CDH18: variants seen among roughly 807,000 people sequenced by gnomAD.
The protein encoded by CDH18 is cadherin-18.
Under a neutral mutation model 67.9 loss-of-function variants are expected in CDH18, and 31 were observed. The ratio of observed to expected loss-of-function variants is 0.46; its 90% CI spans 0.34 to 0.62. CDH18 has a LOEUF of 0.62. CDH18 is among the 20% of genes least tolerant of loss of function. The pLI, the probability that CDH18 is intolerant of heterozygous loss-of-function variation, is 0.01. For synonymous variants in CDH18, 362 were observed against 347.2 expected (o/e 1.04, Z -0.48); for missense variants, 890 against 975.5 (o/e 0.91, Z 1.17).
At chr5:20,391,131 T>A (rs534565460) in intron 1 of CDH18, among the ~76,000 whole-genome samples, 3 of 151,794 alleles carry the variant, frequency 2.0e-5, no homozygotes, top group African/African-American at 4.8e-5. Context: ...ACTTAAAGTA[T>A]AATAAAAAAA....
chr5:19,691,767 G>GA lies in CDH18; in HGVS notation c.643+29579dup, dbSNP rs1266146529. On this transcript the variant is annotated intron_variant, in intron 5 of 12. Coordinates refer to ENST00000382275, the MANE Select transcript of CDH18 (RefSeq NM_004934.5). ...AAATGACATCCCACGCTCTTGGAAA[G>GA]AAAAAAATCCATATTGTTGAAATGA... 2.0e-5 allele frequency among the ~76,000 whole-genome samples: 3 copies of GA among 151,648 alleles called. 1 individual carries two copies. In the East Asian group the frequency reaches 5.8e-4, roughly 29 times the overall value.
At chr5:20,519,898 G>C (rs1297241074) in intron 1 of CDH18, among the ~76,000 whole-genome samples, 1 of 139,014 alleles carries the variant, frequency 7.2e-6, no homozygotes, top group Non-Finnish European at 1.5e-5. Context: ...TATTTGGACA[G>C]GGTTTTCCTC....
chr5:19,638,986 T>TTTTGTTTTTG (rs1561521090), intron 5 of CDH18, among the ~76,000 whole-genome samples: 6 of 82,166 alleles, frequency 7.3e-5, no homozygotes, highest in African/African-American at 3.2e-4. Context: ...TGTTTTTTTT[T>TTTTGTTTTTG]TTTTTTTTTT....
chr5:19,724,462 G>T (rs1766536503), intron 4 of CDH18, among the ~76,000 whole-genome samples: 1 of 151,552 alleles, frequency 6.6e-6, no homozygotes, highest in Non-Finnish European at 1.5e-5. Context: ...GCATAAATAG[G>T]CACAGCTGAT....
rs777622839 is a variant in CDH18 at position 19,897,063 on chromosome 5, A to T, written c.-256-57821T>A. 4.9e-4 allele frequency among the ~76,000 whole-genome samples: 75 copies of T among 152,184 alleles called. 1 individual carries two copies. The highest frequency in any genetic ancestry group is 2.6e-3 in the Admixed American group (40 of 15,278). ...AAAAACAATGCAGAAAAGCATATTA[A>T]TCATAAGGAAATATGTTAAGGTAAA... is the stretch of plus-strand genomic sequence containing the variant. On this transcript the variant is annotated intron_variant, in intron 2 of 12. Coordinates refer to ENST00000382275, the MANE Select transcript of CDH18 (RefSeq NM_004934.5).
At chr5:19,755,673 C>A (rs568174634) in intron 3 of CDH18, among the ~76,000 whole-genome samples, 81 of 150,600 alleles carry the variant, frequency 5.4e-4, no homozygotes, top group African/African-American at 1.9e-3. Context: ...CACATGATCA[C>A]AACATCACAC....
chr5:19,962,149 G>A (rs6891896), intron 2 of CDH18, among the ~76,000 whole-genome samples: 1 of 151,470 alleles, frequency 6.6e-6, no homozygotes, highest in African/African-American at 2.4e-5. Flanking sequence ...TTAACCTTGA[G>A]TGGGAAGTCT....
chr5:20,235,787 G>A lies in CDH18; in HGVS notation c.-518+19657C>T, dbSNP rs1171991058. On this transcript the variant is annotated intron_variant, in intron 2 of 14. Transcript: ENST00000507958. ...TCCTGCTATTGGGTATACACCCAAA[G>A]AAAATTAAATTGTTCTACCAAAATG... Among the ~76,000 whole-genome samples the A allele has an allele frequency of 2.0e-5, 3 of 152,138 alleles. No individual in the cohort carries two copies. In the South Asian group the frequency reaches 6.2e-4, roughly 31 times the overall value.
chr5:19,861,298 T>TA (rs1784874920), intron 2 of CDH18, among the ~76,000 whole-genome samples: 3 of 151,376 alleles, frequency 2.0e-5, no homozygotes, highest in Non-Finnish European at 3.0e-5. Context: ...GGGTTTTTTT[T>TA]TATATCTGGG....
chr5:19,940,282 G>T (rs1794685686), intron 2 of CDH18, among the ~76,000 whole-genome samples: 1 of 151,408 alleles, frequency 6.6e-6, no homozygotes, highest in Non-Finnish European at 1.5e-5. Context: ...AAGTCAATAG[G>T]TTCTAAATAT....
intron 2 of CDH18, among the ~76,000 whole-genome samples, chr5:20,167,526 G>C (rs188939105): frequency 6.6e-6 from 1 of 151,960 alleles, no homozygotes; most frequent in Non-Finnish European, 1.5e-5. Context: ...AAATAAAAGA[G>C]AACTATCTTG....
chr5:19,987,352 C>T (rs1799671356), intron 1 of CDH18, among the ~76,000 whole-genome samples: 1 of 151,374 alleles, frequency 6.6e-6, no homozygotes, highest in Admixed American at 6.6e-5. Flanking sequence ...ATAGTTACTT[C>T]CACACTAAAA....
intron 4 of CDH18, among the ~76,000 whole-genome samples, chr5:19,735,651 T>A (rs976450674): frequency 6.6e-6 from 1 of 152,096 alleles, no homozygotes; most frequent in African/African-American, 2.4e-5. Context: ...CGCCTCGGCC[T>A]CCCAAAGTGC....
At chr5:20,242,977 A>G (rs1743102997) in intron 2 of CDH18, among the ~76,000 whole-genome samples, 1 of 152,118 alleles carries the variant, frequency 6.6e-6, no homozygotes, top group South Asian at 2.1e-4. Context: ...TTAATTCTAA[A>G]TCTTACAATG....
At position 20,190,596 on chromosome 5, in the gene CDH18, C is replaced by T. The variant is rs543665718; in HGVS notation, c.-518+64848G>A. On this transcript the variant is annotated intron_variant, in intron 2 of 14. Coordinates refer to the CDH18 transcript ENST00000507958. Reference sequence around the variant, plus strand: ...TGGCTCAGTTAATGCCATTTCTGATCAATCCCATAGATTGTATCGAGCCTC... The same window carrying T: ...TGGCTCAGTTAATGCCATTTCTGATTAATCCCATAGATTGTATCGAGCCTC... 4.6e-5 allele frequency among the ~76,000 whole-genome samples: 7 copies of T among 152,126 alleles called. No individual in the cohort carries two copies. The South Asian group carries it at 1.5e-3, about 32-fold the overall frequency.
intron 3 of CDH18, among the ~76,000 whole-genome samples, chr5:19,788,058 A>T (rs1045265978): frequency 2.0e-5 from 3 of 152,096 alleles, no homozygotes; most frequent in African/African-American, 7.2e-5. Flanking sequence ...GCCTAAAATT[A>T]ACTAATGCTG....
At chr5:20,217,742 T>TA (rs1051236108) in intron 2 of CDH18, among the ~76,000 whole-genome samples, 38 of 151,624 alleles carry the variant, frequency 2.5e-4, no homozygotes, top group African/African-American at 9.0e-4. Context: ...TTAATAGATT[T>TA]AAAAAAAGAC....
intron 2 of CDH18, among the ~76,000 whole-genome samples, chr5:19,934,713 G>A (rs1794050428): frequency 6.6e-6 from 1 of 151,378 alleles, no homozygotes; most frequent in African/African-American, 2.4e-5. Flanking sequence ...AATGCTATGT[G>A]GTCACACTGA....
At chr5:20,562,968 T>C (rs1317333433) in intron 1 of CDH18, among the ~76,000 whole-genome samples, 3 of 150,888 alleles carry the variant, frequency 2.0e-5, no homozygotes, top group Non-Finnish European at 4.4e-5. Context: ...TACTGGCATA[T>C]AGATCATACT....
Sources: gnomAD v4.1 joint callset for allele counts (sites outside exome capture counted in the v4.1 genomes callset) on GRCh38, gnomAD v4.1.1 for gene constraint, MANE v1.5 for transcripts, NCBI Gene and HGNC (gene_info 2026-07-23, HGNC 2026-07-21) for gene names.